Variants in TRPS1 observed in about 807,000 individuals in gnomAD.
TRPS1 encodes the protein zinc finger transcription factor Trps1.
In TRPS1, 6 loss-of-function variants were observed where a neutral mutation model predicts 101.2. That is an observed-to-expected ratio of 0.06 (90% CI 0.03 to 0.12). The LOEUF (loss-of-function observed/expected upper bound fraction) is 0.12, where lower values mean the gene tolerates loss of function less well. Among genes scored for constraint, TRPS1 ranks in the 10% least tolerant of loss-of-function variants. The probability of loss-of-function intolerance (pLI) is 1.00; values close to 1 mark genes in which losing one functional copy is unlikely to be tolerated. For missense variants in TRPS1, 1,363 were observed against 1,567.0 expected (o/e 0.87, Z 2.20); for synonymous variants, 578 against 589.8 (o/e 0.98, Z 0.29).
At position 115,667,918 on chromosome 8, in the gene TRPS1, C is replaced by T. The variant is rs893067847; in HGVS notation, c.-122+627G>A. On this transcript the variant is annotated intron_variant, in intron 1 of 6. Coordinates refer to ENST00000395715, the MANE Select transcript of TRPS1 (RefSeq NM_014112.5). ...TAGTCTGCGCCCCGCTTGTCACGAGCCCCCAGAAAACTTGCAGTGGCGGCG... is the reference window on the plus strand; with the variant it reads ...TAGTCTGCGCCCCGCTTGTCACGAGTCCCCAGAAAACTTGCAGTGGCGGCG... 1.7e-5 allele frequency: 26 copies of T among 1,535,336 alleles called. No homozygotes were observed. The South Asian group carries it at 2.5e-4, about 15-fold the overall frequency.
At chr8:115,517,220 TATC>T (rs1211980690) in intron 5 of TRPS1, among the ~76,000 whole-genome samples, 1 of 151,698 alleles carries the variant, frequency 6.6e-6, no homozygotes, top group Non-Finnish European at 1.5e-5. Flanking sequence ...GAATTCTTAT[TATC>T]ATTTAGATAG....
At chr8:115,452,043 A>G (rs1813888342) in intron 5 of TRPS1, among the ~76,000 whole-genome samples, 1 of 152,100 alleles carries the variant, frequency 6.6e-6, no homozygotes, top group South Asian at 2.1e-4. Flanking sequence ...TTCTTCTCCT[A>G]TGTTCTCTCA....
chr8:115,596,209 C>A (rs1817781237), intron 4 of TRPS1, among the ~76,000 whole-genome samples: 1 of 151,834 alleles, frequency 6.6e-6, no homozygotes, highest in African/African-American at 2.4e-5. Flanking sequence ...GCATACACTA[C>A]CAAAATATGT....
At chr8:115,666,417 A>G (rs1028042151) in intron 1 of TRPS1, among the ~76,000 whole-genome samples, 3 of 151,898 alleles carry the variant, frequency 2.0e-5, no homozygotes, top group Admixed American at 6.6e-5. Flanking sequence ...GGGGAAAGAA[A>G]AAAAAAAAAG....
At chr8:115,421,445 G>T (rs1367589304) in intron 5 of TRPS1, among the ~76,000 whole-genome samples, 2 of 152,190 alleles carry the variant, frequency 1.3e-5, no homozygotes, top group African/African-American at 4.8e-5. Context: ...TTGAATATTT[G>T]AGAGATGCTT....
chr8:115,548,103 G>T (rs1042136796), intron 5 of TRPS1, among the ~76,000 whole-genome samples: 1 of 151,614 alleles, frequency 6.6e-6, no homozygotes, highest in Non-Finnish European at 1.5e-5. Flanking sequence ...TGTGGTTGGC[G>T]CATGCCTCTA....
At chr8:115,487,256 G>GAA (rs35864552) in intron 5 of TRPS1, among the ~76,000 whole-genome samples, 10 of 147,642 alleles carry the variant, frequency 6.8e-5, no homozygotes, top group East Asian at 2.0e-4. Flanking sequence ...CTACTTCTCA[G>GAA]AAAAAAAAAA....
At chr8:115,552,049 G>A (rs1816716736) in intron 5 of TRPS1, among the ~76,000 whole-genome samples, 1 of 152,118 alleles carries the variant, frequency 6.6e-6, no homozygotes, top group Admixed American at 6.6e-5. Flanking sequence ...ATAGGAATCA[G>A]CTTAACCAAG....
chr8:115,564,750 T>A (rs951498244), intron 5 of TRPS1, among the ~76,000 whole-genome samples: 1 of 152,020 alleles, frequency 6.6e-6, no homozygotes, highest in Non-Finnish European at 1.5e-5. Flanking sequence ...CAGACTTGGA[T>A]GAGGGGAGCA....
At chr8:115,482,560 A>G (rs1298602085) in intron 5 of TRPS1, among the ~76,000 whole-genome samples, 1 of 152,216 alleles carries the variant, frequency 6.6e-6, no homozygotes, top group Non-Finnish European at 1.5e-5. Flanking sequence ...ATTCTGTCCC[A>G]ATACTTTCAA....
At chr8:115,616,693 TTGTC>T (rs990932401) in intron 3 of TRPS1, among the ~76,000 whole-genome samples, 1 of 152,218 alleles carries the variant, frequency 6.6e-6, no homozygotes, top group African/African-American at 2.4e-5. Flanking sequence ...AATTGAACGA[TTGTC>T]TGTAATACTC....
At chr8:115,496,284 A>G (rs2130122939) in intron 5 of TRPS1, among the ~76,000 whole-genome samples, 1 of 152,338 alleles carries the variant, frequency 6.6e-6, no homozygotes, top group African/African-American at 2.4e-5. Flanking sequence ...TTTGGTCTCC[A>G]AAGTCTAAGC....
At chr8:115,528,651 A>G (rs1043502952) in intron 5 of TRPS1, among the ~76,000 whole-genome samples, 1 of 152,082 alleles carries the variant, frequency 6.6e-6, no homozygotes, top group Admixed American at 6.6e-5. Flanking sequence ...GATAATTGAA[A>G]AACAAAATTC....
At chr8:115,547,199 C>T (rs1024926339) in intron 5 of TRPS1, among the ~76,000 whole-genome samples, 16 of 152,176 alleles carry the variant, frequency 1.1e-4, no homozygotes, top group Admixed American at 3.9e-4. Context: ...ATTACCCATA[C>T]TTTGTTAAAC....
chr8:115,511,030 T>C (rs1333906368), intron 5 of TRPS1: 1 of 151,950 alleles, frequency 6.6e-6, no homozygotes, highest in East Asian at 1.9e-4. Context: ...TTTATCAAAC[T>C]ATTTGGTTTT....
intron 5 of TRPS1, among the ~76,000 whole-genome samples, chr8:115,476,001 CTTTCTTTTTTTT>C (rs1814597567): frequency 1.8e-5 from 1 of 55,950 alleles, no homozygotes; most frequent in Admixed American, 1.8e-4. Context: ...AGAAAATATA[CTTTCTTTTTTTT>C]TTTTTTTTTT....
At chr8:115,474,442 A>T (rs976038796) in intron 5 of TRPS1, among the ~76,000 whole-genome samples, 3 of 152,144 alleles carry the variant, frequency 2.0e-5, no homozygotes, top group Admixed American at 2.0e-4. Context: ...AGAGAAAAAA[A>T]ATTCACAGCA....
intron 5 of TRPS1, among the ~76,000 whole-genome samples, chr8:115,568,079 G>C (rs1817111386): frequency 6.6e-6 from 1 of 152,028 alleles, no homozygotes; most frequent in South Asian, 2.1e-4. Context: ...GATTAACTGA[G>C]ATGATGACTG....
At chr8:115,564,173 T>C (rs1362630418) in intron 5 of TRPS1, among the ~76,000 whole-genome samples, 1 of 151,930 alleles carries the variant, frequency 6.6e-6, no homozygotes, top group Non-Finnish European at 1.5e-5. Flanking sequence ...GAGAGAAAAA[T>C]AGCAGCGATT....
Sources: allele counts gnomAD v4.1 joint callset (sites outside exome capture counted in the v4.1 genomes callset), GRCh38; gene constraint gnomAD v4.1.1; transcripts MANE v1.5; gene names NCBI Gene and HGNC (gene_info 2026-07-23, HGNC 2026-07-21).